Variants in ARFGEF1 observed in about 807,000 individuals in gnomAD.
ARFGEF1 encodes the protein brefeldin A-inhibited guanine nucleotide-exchange protein 1.
Under a neutral mutation model 231.0 loss-of-function variants are expected in ARFGEF1, and 42 were observed. The ratio of observed to expected loss-of-function variants is 0.18; its 90% CI spans 0.14 to 0.24. ARFGEF1 has a LOEUF of 0.24. Among genes scored for constraint, ARFGEF1 ranks in the 10% least tolerant of loss-of-function variants. ARFGEF1 has a pLI of 1.00. For synonymous variants in ARFGEF1, 710 were observed against 732.3 expected, an observed-to-expected ratio of 0.97 and a Z score of 0.49; for missense variants, 1,345 against 2,192.0, an observed-to-expected ratio of 0.61 and a Z score of 7.72.
chr8:67,240,077 T>A (rs1324720687), intron 20 of ARFGEF1, 85 bp downstream of exon 20: 5 of 1,520,358 alleles, frequency 3.3e-6, no homozygotes, highest in Non-Finnish European at 4.4e-6. Context: ...ATGTCACACA[T>A]AAACAATTAT....
At chr8:67,204,170 G>A (rs1307616529) in intron 35 of ARFGEF1, among the ~76,000 whole-genome samples, 1 of 152,056 alleles carries the variant, frequency 6.6e-6, no homozygotes, top group Non-Finnish European at 1.5e-5. Context: ...TACTGGCTGA[G>A]TCCACATTCT....
chr8:67,296,531 T>TTG lies in ARFGEF1; in HGVS notation c.537_538dup (p.Asn180ThrfsTer5). On this transcript the variant is annotated frameshift_variant, in exon 5 of 39. Coordinates refer to ENST00000262215, the MANE Select transcript of ARFGEF1 (RefSeq NM_006421.5). LOFTEE classifies it high-confidence loss of function. ...GAGATTTTTGCTTGCTAAGTAGATA[T>TTG]TGTAACATGTTCTCACAGCTTGCAG... 1 of 1,614,078 alleles carries TTG rather than the reference T, an allele frequency of 6.2e-7. No individual in the cohort carries two copies. The highest frequency in any genetic ancestry group is 8.5e-7 in the Non-Finnish European group (1 of 1,179,974).
intron 34 of ARFGEF1, among the ~76,000 whole-genome samples, chr8:67,206,310 T>C (rs559090740): frequency 6.7e-6 from 1 of 149,408 alleles, no homozygotes; most frequent in East Asian, 2.0e-4. Context: ...CTCGGGAGGC[T>C]GAGGCAGAAG....
rs1808735490 is a variant in ARFGEF1 at position 67,343,169 on chromosome 8, G to A, written c.119C>T (p.Ala40Val). 7.0e-6 allele frequency: 10 copies of A among 1,418,726 alleles called. No individual in the cohort carries two copies. The highest frequency in any genetic ancestry group is 1.2e-5 in the South Asian group (1 of 83,706). 87.9% of individuals were successfully genotyped at this position (1,418,726 alleles called of 1,614,324 possible). ...HSQLRKACEV[A>V]LEEIKAETEK... Reference sequence around the variant, plus strand: ...CGGGCCTCCTCCCCGCTCACCTAACGCCACCTCGCAAGCTTTGCGCAGCTG... The same window carrying A: ...CGGGCCTCCTCCCCGCTCACCTAACACCACCTCGCAAGCTTTGCGCAGCTG... Residue 40 changes from alanine (A) to valine (V), a missense_variant, in exon 1 of 39, where the codon GCG (alanine) becomes GTG (valine). Physicochemically the swap from Ala to Val is moderately conservative, Grantham distance 64. Around this residue, in one of 14 missense-constraint regions of ARFGEF1, gnomAD observed 398 missense variants for 463.2 expected, o/e 0.86. Coordinates refer to ENST00000262215, the MANE Select transcript of ARFGEF1 (RefSeq NM_006421.5).
At chr8:67,233,752 C>G (rs1161269993) in intron 22 of ARFGEF1, among the ~76,000 whole-genome samples, 1 of 151,966 alleles carries the variant, frequency 6.6e-6, no homozygotes, top group East Asian at 1.9e-4. Flanking sequence ...CTGTTACTTA[C>G]AAGATAAAAT....
intron 2 of ARFGEF1, 58 bp from the exon 3 acceptor site, chr8:67,301,438 A>G (rs1313264085): frequency 1.3e-6 from 2 of 1,500,692 alleles, no homozygotes; most frequent in African/African-American, 2.8e-5. Flanking sequence ...TTGATAATAA[A>G]CCCATGTAGA....
rs1838120467 is a variant in ARFGEF1, at chr8:67,197,699, C to T, written c.*1235G>A. Reference sequence around the variant, plus strand: ...GAAATAATTCAAAAACTTTATTGACCTATAACCTGATTAGAATATGCCAGA... The same window carrying T: ...GAAATAATTCAAAAACTTTATTGACTTATAACCTGATTAGAATATGCCAGA... On this transcript the variant is annotated 3_prime_UTR_variant, in exon 39 of 39. Coordinates refer to ENST00000262215, the MANE Select transcript of ARFGEF1 (RefSeq NM_006421.5). 2.0e-6 allele frequency: 2 copies of T among 985,532 alleles called. No individual in the cohort carries two copies. Among genetic ancestry groups the T allele is most frequent in the Non-Finnish European group, 2.4e-6 (2 of 829,852 alleles). 61.0% of individuals were successfully genotyped at this position (985,532 alleles called of 1,614,324 possible).
intron 29 of ARFGEF1, 62 bp downstream of exon 29, chr8:67,224,841 A>G: frequency 1.7e-6 from 2 of 1,200,536 alleles, no homozygotes; most frequent in Non-Finnish European, 2.2e-6. Flanking sequence ...TTTATAAAGA[A>G]GAGTTAATTT....
intron 19 of ARFGEF1, among the ~76,000 whole-genome samples, chr8:67,242,434 T>C (rs1839959526): frequency 1.3e-5 from 2 of 152,160 alleles, no homozygotes; most frequent in Non-Finnish European, 2.9e-5. Context: ...TAGCTCTGAT[T>C]TCTAGACACA....
intron 29 of ARFGEF1, among the ~76,000 whole-genome samples, chr8:67,219,962 A>G (rs751855740): frequency 7.9e-5 from 12 of 152,244 alleles, no homozygotes; most frequent in Admixed American, 3.3e-4. Context: ...GATTTTGGAA[A>G]ATCTTTTTCA....
rs140097930 is a variant in ARFGEF1 at position 67,281,468 on chromosome 8, A to AG, written c.1028-4012dup. Among the ~76,000 whole-genome samples, 976 of 150,348 alleles carry AG rather than the reference A, an allele frequency of 6.5e-3. 7 individuals are homozygous for AG. Among genetic ancestry groups the AG allele is most frequent in the African/African-American group, 0.023 (936 of 41,452 alleles). On this transcript the variant is annotated intron_variant, in intron 7 of 38. Coordinates refer to ENST00000262215, the MANE Select transcript of ARFGEF1 (RefSeq NM_006421.5). ...CAAGAAAACTTACTTAATTTGATAA[A>AG]GAGTATCCTCCAAAAACAAAAGCAA...
rs749618285 is a variant in ARFGEF1, at chr8:67,203,104, T to G, written c.5107A>C (p.Arg1703=). 6.2e-7 allele frequency: 1 copy of G among 1,613,800 alleles called. No homozygotes were observed. Among genetic ancestry groups the G allele is most frequent in the East Asian group, 2.2e-5 (1 of 44,894 alleles). ...TTACCTGCTTTCCACAGGGCAGTCCTCTGTTCGTTGTTGGAATTAAACGCT... is the reference window on the plus strand; with the variant it reads ...TTACCTGCTTTCCACAGGGCAGTCCGCTGTTCGTTGTTGGAATTAAACGCT... ...AKAFNSNNEQ[R]TALWKAGFKG... is the part of the protein sequence containing the mutation. The change falls in exon 36 of 39, where the codon AGG becomes CGG. Residue 1703 remains arginine, a synonymous_variant. Coordinates refer to ENST00000262215, the MANE Select transcript of ARFGEF1 (RefSeq NM_006421.5).
intron 6 of ARFGEF1, among the ~76,000 whole-genome samples, chr8:67,290,963 A>T (rs1406530203): frequency 2.0e-5 from 3 of 148,480 alleles, no homozygotes; most frequent in Admixed American, 6.7e-5. Context: ...GCATGGTTTT[A>T]AAAAAAAAAA....
At chr8:67,284,255 G>C (rs757973590) in intron 7 of ARFGEF1, among the ~76,000 whole-genome samples, 16 of 151,966 alleles carry the variant, frequency 1.1e-4, no homozygotes, top group Non-Finnish European at 2.1e-4. Context: ...CAAAAAATGA[G>C]AGAAAGGGAA....
intron 7 of ARFGEF1, among the ~76,000 whole-genome samples, chr8:67,278,043 G>C (rs993027383): frequency 1.3e-5 from 2 of 152,008 alleles, no homozygotes; most frequent in East Asian, 3.9e-4. Context: ...TTTTTCACTA[G>C]GTCACTTTGA....
intron 29 of ARFGEF1, among the ~76,000 whole-genome samples, chr8:67,222,324 G>A (rs1839226172): frequency 6.8e-6 from 1 of 147,688 alleles, no homozygotes; most frequent in Non-Finnish European, 1.5e-5. Flanking sequence ...GGAGTGCAGT[G>A]GTGCCATCTT....
chr8:67,189,151 CT>C (rs1275839951), intron 5 of ARFGEF1, among the ~76,000 whole-genome samples: 1 of 152,202 alleles, frequency 6.6e-6, no homozygotes, highest in Non-Finnish European at 1.5e-5. Context: ...AATAGGAACT[CT>C]CATTCATTGC....
At chr8:67,321,506 G>A (rs1425333604) in intron 1 of ARFGEF1, among the ~76,000 whole-genome samples, 1 of 152,158 alleles carries the variant, frequency 6.6e-6, no homozygotes, top group African/African-American at 2.4e-5. Flanking sequence ...TGTCGCCCAG[G>A]CTGGAGTGCA....
intron 6 of ARFGEF1, among the ~76,000 whole-genome samples, chr8:67,289,586 GACA>G (rs1805917761): frequency 7.5e-6 from 1 of 134,118 alleles, no homozygotes; most frequent in African/African-American, 2.8e-5. Flanking sequence ...AGGAAAAAAG[GACA>G]AAAAAAGGAC....
Sources: gnomAD v4.1 joint callset for allele counts (sites outside exome capture counted in the v4.1 genomes callset) on GRCh38, gnomAD v4.1.1 for gene constraint, gnomAD v4.1.1 regional missense constraint, MANE v1.5 for transcripts, NCBI Gene and HGNC (gene_info 2026-07-23, HGNC 2026-07-21) for gene names.